Variants in CRADD observed in about 807,000 individuals in gnomAD.
CRADD encodes the protein CARD and death domain containing adaptor protein.
CRADD carries 9 observed loss-of-function variants against 15.5 expected under a neutral mutation model. That is an observed-to-expected ratio of 0.58 (90% CI 0.35 to 1.01). CRADD has a LOEUF of 1.01. Ranked by LOEUF, CRADD falls within the 50% of genes least tolerant of loss-of-function variation. CRADD has a pLI of 0.02. For missense variants in CRADD, 227 were observed against 250.3 expected (o/e 0.91, Z 0.63); for synonymous variants, 118 against 107.6 (o/e 1.10, Z -0.60).
intron 2 of CRADD, among the ~76,000 whole-genome samples, chr12:93,712,061 G>A (rs1237860163): frequency 6.6e-6 from 1 of 152,030 alleles, no homozygotes; most frequent in Non-Finnish European, 1.5e-5. Context: ...TGGTCTCCTA[G>A]ACTCTTAACA....
chr12:93,726,744 A>C (rs1004673137), intron 2 of CRADD, among the ~76,000 whole-genome samples: 3 of 151,984 alleles, frequency 2.0e-5, no homozygotes, highest in Non-Finnish European at 2.9e-5. Context: ...TTTTGGTAGC[A>C]GGAAAGAACA....
At position 93,791,458 on chromosome 12, in the gene CRADD, G is replaced by A. The variant is rs554412781; in HGVS notation, c.299-58512G>A. On this transcript the variant is annotated intron_variant, in intron 2 of 2. Coordinates refer to ENST00000332896, the MANE Select transcript of CRADD (RefSeq NM_003805.5). ...AAATACTGTGTGATTTCACTTGCAC[G>A]TGGAATCTAAAAGAGTTAAACTCAT... 8.5e-5 allele frequency among the ~76,000 whole-genome samples: 13 copies of A among 152,256 alleles called. No homozygotes were observed. In the South Asian group the frequency reaches 1.7e-3, roughly 19 times the overall value.
intron 2 of CRADD, among the ~76,000 whole-genome samples, chr12:93,804,455 G>A (rs1957513040): frequency 6.6e-6 from 1 of 152,100 alleles, no homozygotes; most frequent in Admixed American, 6.6e-5. Flanking sequence ...AGATGCTCTG[G>A]TAAGTGCTGA....
chr12:93,887,731 CA>C (rs1229213116), intron 2 of CRADD, among the ~76,000 whole-genome samples: 2 of 152,198 alleles, frequency 1.3e-5, no homozygotes, highest in Admixed American at 6.5e-5. Context: ...ACTTTAGTCA[CA>C]AAAATAAAAT....
intron 2 of CRADD, among the ~76,000 whole-genome samples, chr12:93,705,929 C>T (rs61928988): frequency 0.038 from 5,708 of 152,152 alleles, 169 homozygotes; most frequent in South Asian, 0.067. Flanking sequence ...ATGTATTATT[C>T]GGAGTTAATG....
chr12:93,779,185 T>C (rs957680660), intron 2 of CRADD, among the ~76,000 whole-genome samples: 1 of 152,222 alleles, frequency 6.6e-6, no homozygotes, highest in Non-Finnish European at 1.5e-5. Context: ...TTTCATTCCA[T>C]AGAAACATAG....
intron 2 of CRADD, among the ~76,000 whole-genome samples, chr12:93,867,259 G>A (rs766096344): frequency 1.9e-4 from 29 of 151,430 alleles, no homozygotes; most frequent in Non-Finnish European, 3.7e-4. Context: ...AACATTTTAC[G>A]GCTTTCATTT....
At chr12:93,788,274 G>A (rs115242292) in intron 2 of CRADD, among the ~76,000 whole-genome samples, 1 of 152,166 alleles carries the variant, frequency 6.6e-6, no homozygotes, top group East Asian at 1.9e-4. Flanking sequence ...AGCGAAGGGA[G>A]AAACCTCTTA....
At chr12:93,868,260 G>C (rs1335256267) in intron 2 of CRADD, among the ~76,000 whole-genome samples, 1 of 152,088 alleles carries the variant, frequency 6.6e-6, no homozygotes, top group African/African-American at 2.4e-5. Flanking sequence ...CATTATAGAG[G>C]ATTATTTCAA....
intron 2 of CRADD, among the ~76,000 whole-genome samples, chr12:93,860,135 G>A (rs74833401): frequency 4.1e-5 from 6 of 148,018 alleles, no homozygotes; most frequent in Non-Finnish European, 4.5e-5. Flanking sequence ...ACGCAAATTT[G>A]AAAAAAAAAA....
At chr12:93,756,604 TG>T (rs1956893027) in intron 2 of CRADD, among the ~76,000 whole-genome samples, 1 of 152,232 alleles carries the variant, frequency 6.6e-6, no homozygotes, top group Admixed American at 6.5e-5. Flanking sequence ...CATCCAGAAC[TG>T]GGCCTGCTGT....
chr12:93,775,233 A>C (rs6538452), intron 2 of CRADD, among the ~76,000 whole-genome samples: 2 of 152,210 alleles, frequency 1.3e-5, no homozygotes, highest in African/African-American at 4.8e-5. Flanking sequence ...GCAATATTTT[A>C]TCACATGCCA....
In CRADD at chr12:93,840,473, T is replaced by C. The variant is rs189805689; in HGVS notation, c.299-9497T>C. Among the ~76,000 whole-genome samples the C allele has an allele frequency of 6.8e-4, 103 of 152,346 alleles. 1 individual carries two copies. The highest frequency in any genetic ancestry group is 1.4e-3 in the African/African-American group (59 of 41,598). On this transcript the variant is annotated intron_variant, in intron 2 of 2. Transcript: ENST00000332896. The stretch of plus-strand genomic sequence containing the variant: ...TAGATTATCTGCTAATCCTGATATT[T>C]TTCTATGTATTAGGTCATATTGTCT...
At chr12:93,706,433 G>GTT (rs145047369) in intron 2 of CRADD, among the ~76,000 whole-genome samples, 51 of 152,152 alleles carry the variant, frequency 3.4e-4, no homozygotes, top group African/African-American at 1.2e-3. Flanking sequence ...ACCAAAATTT[G>GTT]TTTTTTTGTG....
chr12:93,815,967 G>A (rs1049680509), intron 2 of CRADD: 1 of 152,202 alleles, frequency 6.6e-6, no homozygotes, highest in Non-Finnish European at 1.5e-5. Flanking sequence ...TGGTAATGGT[G>A]AAACAGAAAG....
intron 2 of CRADD, among the ~76,000 whole-genome samples, chr12:93,842,605 C>A (rs1316614407): frequency 1.3e-5 from 2 of 152,000 alleles, no homozygotes; most frequent in African/African-American, 4.8e-5. Context: ...ATATACAAAA[C>A]CTGGAAAAAT....
At chr12:93,736,472 T>C (rs1174320931) in intron 2 of CRADD, among the ~76,000 whole-genome samples, 1 of 152,216 alleles carries the variant, frequency 6.6e-6, no homozygotes, top group Non-Finnish European at 1.5e-5. Context: ...TTTCCTCTAG[T>C]TATTTCTTTT....
chr12:93,807,645 T>C lies in CRADD; in HGVS notation c.299-42325T>C, dbSNP rs183443049. ...GAAAATAAACAAATCTATGAGAATC[T>C]ATGAGAGGTAGAGATAAATGCTATG... On this transcript the variant is annotated intron_variant, in intron 2 of 2. Coordinates refer to ENST00000332896, the MANE Select transcript of CRADD (RefSeq NM_003805.5). Among the ~76,000 whole-genome samples the C allele has an allele frequency of 2.6e-5, 4 of 152,068 alleles. No individual in the cohort carries two copies. In the East Asian group the frequency reaches 5.8e-4, roughly 22 times the overall value.
At chr12:93,769,554 A>G (rs1473087180) in intron 2 of CRADD, among the ~76,000 whole-genome samples, 1 of 152,220 alleles carries the variant, frequency 6.6e-6, no homozygotes, top group East Asian at 1.9e-4. Context: ...GGATATGTGT[A>G]TGTTCAGCTT....
Sources: gnomAD v4.1 joint callset for allele counts (sites outside exome capture counted in the v4.1 genomes callset) on GRCh38, gnomAD v4.1.1 for gene constraint, MANE v1.5 for transcripts, NCBI Gene and HGNC (gene_info 2026-07-23, HGNC 2026-07-21) for gene names.